Variants in GLI3 observed in about 807,000 individuals in gnomAD.
GLI3 encodes GLI family zinc finger 3, also known as transcription activator GLI3.
A neutral mutation model predicts 100.8 loss-of-function variants in GLI3; 20 were observed. The ratio of observed to expected loss-of-function variants is 0.20; its 90% confidence interval spans 0.14 to 0.29. The LOEUF is 0.29. GLI3 is among the 10% of genes least tolerant of loss of function. The pLI is 1.00. For missense variants in GLI3, 2,040 were observed against 2,128.5 expected (o/e 0.96, Z 0.82); for synonymous variants, 938 against 860.5 (o/e 1.09, Z -1.58).
Position 41,981,140 on chromosome 7 carries a change from A to G in GLI3, c.1498-2392T>C, listed in dbSNP as rs116610282. Reference sequence around the variant, plus strand: ...GGACCGATGACACAGAAGTACCTGCAGAAGAACAGAGCCTGGTGCCTTTGA... The same window carrying G: ...GGACCGATGACACAGAAGTACCTGCGGAAGAACAGAGCCTGGTGCCTTTGA... On this transcript the variant is annotated intron_variant, in intron 10 of 14. Coordinates refer to ENST00000395925, the MANE Select transcript of GLI3 (RefSeq NM_000168.6). Among the ~76,000 whole-genome samples the G allele has an allele frequency of 2.9e-3, 442 of 152,316 alleles. 3 individuals are homozygous for G. Among genetic ancestry groups the G allele is most frequent in the African/African-American group, 9.7e-3 (404 of 41,562 alleles).
chr7:42,049,401 G>C (rs1405942340), intron 4 of GLI3, among the ~76,000 whole-genome samples: 2 of 152,198 alleles, frequency 1.3e-5, no homozygotes, highest in East Asian at 3.9e-4. Context: ...TTGTGCAGCA[G>C]CACCTGGAAT....
intron 11 of GLI3, chr7:41,977,980 TTTCA>T (rs1787555351): frequency 1.9e-6 from 1 of 528,754 alleles, no homozygotes; most frequent in African/African-American, 1.9e-5. Flanking sequence ...GGACAATGGG[TTTCA>T]TTATCTGCTC....
At chr7:42,024,434 G>A (rs982690590) in intron 9 of GLI3, among the ~76,000 whole-genome samples, 21 of 5,352 alleles carry the variant, frequency 3.9e-3, no homozygotes, top group Middle Eastern at 0.024. Flanking sequence ...TTCAGAGCCC[G>A]TGACACAATT....
chr7:42,215,504 GC>G (rs1290315257), intron 2 of GLI3, among the ~76,000 whole-genome samples: 3 of 152,060 alleles, frequency 2.0e-5, no homozygotes, highest in African/African-American at 7.2e-5. Context: ...CCATTTCGCC[GC>G]TTAAGCATCC....
intron 10 of GLI3, among the ~76,000 whole-genome samples, chr7:42,017,076 C>G (rs764858000): frequency 6.6e-5 from 10 of 152,198 alleles, no homozygotes; most frequent in Non-Finnish European, 1.5e-4. Flanking sequence ...AGCTGTTGAG[C>G]AAATGGCTGA....
intron 10 of GLI3, among the ~76,000 whole-genome samples, chr7:41,995,650 C>T (rs951763038): frequency 2.0e-5 from 3 of 151,884 alleles, no homozygotes; most frequent in Non-Finnish European, 2.9e-5. Context: ...TCAAAGGCCT[C>T]GACAGAAGAG....
intron 3 of GLI3, among the ~76,000 whole-genome samples, chr7:42,103,768 AG>A (rs1785516686): frequency 6.6e-6 from 1 of 152,198 alleles, no homozygotes; most frequent in Admixed American, 6.5e-5. Context: ...ACCCAAGATA[AG>A]GAGTCAGGAT....
chr7:42,016,126 G>A (rs1029589), intron 10 of GLI3, among the ~76,000 whole-genome samples: 24,467 of 152,070 alleles, frequency 0.16, 2,187 homozygotes, highest in East Asian at 0.42. Context: ...AACCCCCAAC[G>A]CCAGAGAATG....
At chr7:42,199,659 C>T (rs1787997957) in intron 2 of GLI3, among the ~76,000 whole-genome samples, 2 of 152,300 alleles carry the variant, frequency 1.3e-5, no homozygotes, top group Non-Finnish European at 2.9e-5. Context: ...AATAGCTGGA[C>T]AACATGGTGA....
At position 41,965,087 on chromosome 7, in the gene GLI3, C is replaced by A. The variant is rs1583728660; in HGVS notation, c.3986G>T (p.Gly1329Val). The A allele has an allele frequency of 6.2e-7, 1 of 1,613,800 alleles. No homozygotes were observed. The highest frequency in any genetic ancestry group is 8.5e-7 in the Non-Finnish European group (1 of 1,180,030). Residue 1329 changes from glycine to valine, a missense_variant, in exon 15 of 15, where the codon GGC (glycine) becomes GTC (valine). By Grantham distance (109) the Gly-to-Val change is moderately radical. Coordinates refer to ENST00000395925, the MANE Select transcript of GLI3 (RefSeq NM_000168.6). ...TGCCCCCGGGTGCTGCATGCTGTCGCCGAGGAGCTGGTGAGCCAGGTACCC... is the reference window on the plus strand; with the variant it reads ...TGCCCCCGGGTGCTGCATGCTGTCGACGAGGAGCTGGTGAGCCAGGTACCC... ...GQGYLAHQLL[G>V]DSMQHPGAGR... is the part of the protein sequence containing the mutation.
chr7:42,244,867 A>G (rs1441155555), intron 1 of GLI3, among the ~76,000 whole-genome samples: 1 of 152,222 alleles, frequency 6.6e-6, no homozygotes, highest in Non-Finnish European at 1.5e-5. Flanking sequence ...ATATTTCTCA[A>G]GCCCAAAGAG....
intron 1 of GLI3, among the ~76,000 whole-genome samples, chr7:42,259,536 C>T (rs1274500177): frequency 6.6e-6 from 1 of 152,200 alleles, no homozygotes; most frequent in Non-Finnish European, 1.5e-5. Flanking sequence ...AGCACTAGTA[C>T]AGTGCCTGAC....
At chr7:42,049,343 G>T (rs963912527) in intron 4 of GLI3, among the ~76,000 whole-genome samples, 4 of 152,134 alleles carry the variant, frequency 2.6e-5, no homozygotes, top group Non-Finnish European at 5.9e-5. Context: ...TAAGTAAAAT[G>T]ACTTTTATGG....
At chr7:42,069,162 A>T (rs1324258762) in intron 4 of GLI3, among the ~76,000 whole-genome samples, 1 of 152,156 alleles carries the variant, frequency 6.6e-6, no homozygotes, top group African/African-American at 2.4e-5. Flanking sequence ...GAACACAGGA[A>T]TTTTATCCAA....
Position 42,158,483 on chromosome 7 carries a change from T to C in GLI3, c.125-10015A>G, listed in dbSNP as rs1176640544. Among the ~76,000 whole-genome samples, 6 of 152,182 alleles carry C rather than the reference T, an allele frequency of 3.9e-5. No individual in the cohort carries two copies. The East Asian group carries it at 1.2e-3, about 29-fold the overall frequency. On this transcript the variant is annotated intron_variant, in intron 2 of 14. Coordinates refer to ENST00000395925, the MANE Select transcript of GLI3 (RefSeq NM_000168.6). ...TGCTTGCCACTGTTCTATCTGTACA[T>C]GTGAAGACTATTTTTTTTTTTTTGG...
rs181026611 is a variant in GLI3 at position 42,030,750 on chromosome 7, G to A, written c.1029-4338C>T. 5.3e-4 allele frequency among the ~76,000 whole-genome samples: 75 copies of A among 140,316 alleles called. 1 individual carries two copies. In the East Asian group the frequency reaches 8.7e-3, roughly 16 times the overall value. The allele number at this position is 140,316 out of a possible 152,430, so 92.1% of individuals were successfully genotyped here. On this transcript the variant is annotated intron_variant, in intron 7 of 14. Transcript: ENST00000395925. ...TGTTTTTTTTTTGAGATGGAGACTC[G>A]TTCTGTCTCCCAGGCTGGAGTGCAG...
At chr7:42,132,915 C>CAA (rs199933973) in intron 3 of GLI3, among the ~76,000 whole-genome samples, 160 of 141,114 alleles carry the variant, frequency 1.1e-3, no homozygotes, top group Middle Eastern at 3.7e-3. Flanking sequence ...AAAATGAGCT[C>CAA]AAAAAAAAAA....
intron 2 of GLI3, among the ~76,000 whole-genome samples, chr7:42,182,683 C>CGTGTGTATATATATATATATATATAT (rs1562775920): frequency 1.8e-5 from 1 of 54,894 alleles, no homozygotes; most frequent in African/African-American, 9.2e-5. Flanking sequence ...TATATATATA[C>CGTGTGTATATATATATATATATATAT]ACATGTGTGT....
chr7:42,160,377 C>A (rs1011407025), intron 2 of GLI3, among the ~76,000 whole-genome samples: 1 of 152,180 alleles, frequency 6.6e-6, no homozygotes, highest in African/African-American at 2.4e-5. Flanking sequence ...TTTGCATATA[C>A]ATAATGAGAT....
Sources: gnomAD v4.1 joint callset for allele counts (sites outside exome capture counted in the v4.1 genomes callset) on GRCh38, gnomAD v4.1.1 for gene constraint, MANE v1.5 for transcripts, NCBI Gene and HGNC (gene_info 2026-07-23, HGNC 2026-07-21) for gene names.